Variants in ANO4 observed in about 807,000 individuals in gnomAD.
The protein encoded by ANO4 is anoctamin 4, also known as anoctamin-4.
Under a neutral mutation model 141.9 loss-of-function variants are expected in ANO4, and 69 were observed. That is an observed-to-expected ratio of 0.49 (90% CI 0.40 to 0.59). The LOEUF (loss-of-function observed/expected upper bound fraction) is 0.59. Ranked by LOEUF, ANO4 falls within the 20% of genes least tolerant of loss-of-function variation. The pLI, the probability that ANO4 is intolerant of heterozygous loss-of-function variation, is 0.00. For missense variants in ANO4, 894 were observed against 1,162.2 expected (o/e 0.77, Z 3.36); for synonymous variants, 350 against 394.3 (o/e 0.89, Z 1.33).
chr12:100,939,404 C>T lies in ANO4; in HGVS notation c.250C>T (p.Leu84=). 6.2e-7 allele frequency: 1 copy of T among 1,613,718 alleles called. No homozygotes were observed. The highest frequency in any genetic ancestry group is 8.5e-7 in the Non-Finnish European group (1 of 1,179,732). The change falls in exon 4 of 28, where the codon CTG becomes TTG. Residue 84 remains leucine (L), a synonymous_variant. Transcript: ENST00000392977. ...DDDSLLHPGN[L]TSTSDDASRL... Reference sequence around the variant, plus strand: ...CGATTCTCTTCTTCACCCTGGAAACCTGACTAGTACTTCAGATGATGCCAG... The same window carrying T: ...CGATTCTCTTCTTCACCCTGGAAACTTGACTAGTACTTCAGATGATGCCAG...
intron 8 of ANO4, among the ~76,000 whole-genome samples, chr12:100,995,202 A>G (rs928254756): frequency 2.0e-5 from 3 of 152,152 alleles, no homozygotes; most frequent in African/African-American, 7.2e-5. Context: ...TCAGTTCTTC[A>G]AGGCAGGCCT....
At chr12:100,969,123 G>A (rs2043810633) in intron 5 of ANO4, among the ~76,000 whole-genome samples, 1 of 152,166 alleles carries the variant, frequency 6.6e-6, no homozygotes, top group African/African-American at 2.4e-5. Context: ...CTGCTTCACA[G>A]GAATCACAAT....
At chr12:100,886,707 G>A (rs549771949) in intron 1 of ANO4, among the ~76,000 whole-genome samples, 84 of 152,254 alleles carry the variant, frequency 5.5e-4, no homozygotes, top group African/African-American at 1.6e-3. Context: ...ACACTCATTC[G>A]TTTATGTATT....
At chr12:100,759,953 A>G (rs1352308900) in intron 3 of ANO4, among the ~76,000 whole-genome samples, 1 of 152,218 alleles carries the variant, frequency 6.6e-6, no homozygotes, top group African/African-American at 2.4e-5. Context: ...GTGAAAGGGC[A>G]TAAAAACAAT....
At chr12:100,948,847 A>T (rs2042853345) in intron 5 of ANO4, among the ~76,000 whole-genome samples, 2 of 152,196 alleles carry the variant, frequency 1.3e-5, no homozygotes, top group Non-Finnish European at 2.9e-5. Context: ...TTGCTATCAT[A>T]GAATATGACA....
upstream of ANO4, among the ~76,000 whole-genome samples, chr12:100,793,787 A>G (rs2034146081): frequency 6.6e-6 from 1 of 152,200 alleles, no homozygotes; most frequent in Non-Finnish European, 1.5e-5. Context: ...TCACAACCAA[A>G]TACAAATTAA....
At chr12:100,907,074 G>A (rs1480910493) in intron 2 of ANO4, among the ~76,000 whole-genome samples, 3 of 152,174 alleles carry the variant, frequency 2.0e-5, no homozygotes, top group Non-Finnish European at 2.9e-5. Flanking sequence ...CCTCCAGAGA[G>A]GATAATTAGC....
At chr12:100,819,525 A>G (rs978346477) in intron 1 of ANO4, among the ~76,000 whole-genome samples, 1 of 152,110 alleles carries the variant, frequency 6.6e-6, no homozygotes, top group East Asian at 1.9e-4. Context: ...GCTCAATTTT[A>G]TGACTTGAGA....
intron 3 of ANO4, among the ~76,000 whole-genome samples, chr12:100,936,998 A>G (rs1291537402): frequency 6.6e-6 from 1 of 152,206 alleles, no homozygotes; most frequent in Non-Finnish European, 1.5e-5. Flanking sequence ...AATATCATCA[A>G]CATCGACTTG....
At chr12:101,091,306 C>T (rs1284086388) in intron 17 of ANO4, among the ~76,000 whole-genome samples, 4 of 152,046 alleles carry the variant, frequency 2.6e-5, no homozygotes, top group African/African-American at 4.8e-5. Flanking sequence ...CAGCATCAAC[C>T]AGGACCTCTT....
chr12:101,074,163 G>A (rs78922070), intron 14 of ANO4, among the ~76,000 whole-genome samples: 212 of 152,200 alleles, frequency 1.4e-3, no homozygotes, highest in African/African-American at 4.7e-3. Context: ...AGGTTAGATC[G>A]CTGTAGCACA....
chr12:100,948,169 AAAAAAAAAAGTT>A, intron 5 of ANO4, among the ~76,000 whole-genome samples: 1 of 151,530 alleles, frequency 6.6e-6, no homozygotes, highest in South Asian at 2.1e-4. Flanking sequence ...AAAAAAAAAA[AAAAAAAAAAGTT>A]AGGAGACAGG....
At chr12:101,004,375 G>A (rs995047503) in intron 8 of ANO4, among the ~76,000 whole-genome samples, 1 of 149,840 alleles carries the variant, frequency 6.7e-6, no homozygotes, top group Admixed American at 6.7e-5. Flanking sequence ...ATGGGGCAAC[G>A]GAGTGAGCCT....
chr12:101,044,420 T>C (rs1432108270), intron 13 of ANO4, among the ~76,000 whole-genome samples: 1 of 152,242 alleles, frequency 6.6e-6, no homozygotes, highest in African/African-American at 2.4e-5. Context: ...CTCACATTCC[T>C]AGAGTTTTTT....
chr12:100,851,650 T>C (rs1208719345), intron 1 of ANO4, among the ~76,000 whole-genome samples: 3 of 152,198 alleles, frequency 2.0e-5, no homozygotes, highest in Non-Finnish European at 4.4e-5. Flanking sequence ...AATAATTTCA[T>C]TAAAGGATAA....
chr12:100,903,874 T>C (rs147335718), intron 2 of ANO4, among the ~76,000 whole-genome samples: 1 of 152,350 alleles, frequency 6.6e-6, no homozygotes. Flanking sequence ...AACTGGAGAC[T>C]GTAGCCTGGC....
intron 14 of ANO4, among the ~76,000 whole-genome samples, chr12:101,063,915 T>C (rs1220563683): frequency 1.3e-5 from 2 of 151,870 alleles, no homozygotes; most frequent in Non-Finnish European, 2.9e-5. Flanking sequence ...ATGTCTTCTC[T>C]TTTCCTGTTC....
At chr12:100,939,253 T>C in intron 3 of ANO4, 62 bp from the exon 4 acceptor site, 1 of 1,517,830 alleles carries the variant, frequency 6.6e-7, no homozygotes, top group Non-Finnish European at 9.0e-7. Flanking sequence ...TTTTCTCTTT[T>C]AGCATTGCTT....
chr12:100,948,266 G>A (rs1404943238), intron 5 of ANO4, among the ~76,000 whole-genome samples: 1 of 151,926 alleles, frequency 6.6e-6, no homozygotes, highest in East Asian at 1.9e-4. Flanking sequence ...ATGAAGTTGG[G>A]TGCTGCCCAG....
Sources: allele counts gnomAD v4.1 joint callset (sites outside exome capture counted in the v4.1 genomes callset), GRCh38; gene constraint gnomAD v4.1.1; transcripts MANE v1.5; gene names NCBI Gene and HGNC (gene_info 2026-07-23, HGNC 2026-07-21).